LDLRAD4: variants seen among roughly 807,000 people sequenced by gnomAD.
LDLRAD4 encodes low-density lipoprotein receptor class A domain-containing protein 4.
Under a neutral mutation model 17.0 loss-of-function variants are expected in LDLRAD4, and 5 were observed. The observed-to-expected ratio is 0.29, with a 90% confidence interval of 0.15 to 0.62. LDLRAD4 has a LOEUF of 0.62. Ranked by LOEUF, LDLRAD4 falls within the 20% of genes least tolerant of loss-of-function variation. The pLI is 0.84. For synonymous variants in LDLRAD4, 168 were observed against 171.8 expected (o/e 0.98, Z 0.17); for missense variants, 340 against 424.7 (o/e 0.80, Z 1.75).
chr18:13,632,967 A>T (rs1351733121), intron 4 of LDLRAD4, among the ~76,000 whole-genome samples: 1 of 152,084 alleles, frequency 6.6e-6, no homozygotes, highest in Non-Finnish European at 1.5e-5. Flanking sequence ...GTCAATGGGT[A>T]GCTCCTTTCT....
At chr18:13,578,972 C>T (rs144470051) in intron 3 of LDLRAD4, among the ~76,000 whole-genome samples, 31 of 151,504 alleles carry the variant, frequency 2.0e-4, no homozygotes, top group African/African-American at 7.3e-4. Context: ...GGGCAGATCA[C>T]GAGGTCAGGA....
intron 1 of LDLRAD4, among the ~76,000 whole-genome samples, chr18:13,328,251 C>T (rs1168041142): frequency 6.6e-6 from 1 of 152,244 alleles, no homozygotes; most frequent in Non-Finnish European, 1.5e-5. Flanking sequence ...TGGCTAAAAA[C>T]TCCATCCTTG....
intron 1 of LDLRAD4, among the ~76,000 whole-genome samples, chr18:13,311,456 C>T (rs1188657032): frequency 6.6e-6 from 1 of 152,222 alleles, no homozygotes; most frequent in Non-Finnish European, 1.5e-5. Context: ...GCTAAGGAGT[C>T]GCTTTCCAGC....
intron 4 of LDLRAD4, among the ~76,000 whole-genome samples, chr18:13,626,716 C>T (rs1007507998): frequency 6.6e-6 from 1 of 152,240 alleles, no homozygotes; most frequent in Non-Finnish European, 1.5e-5. Context: ...AGCAGCCAGG[C>T]CCCACCCAGC....
intron 3 of LDLRAD4, among the ~76,000 whole-genome samples, chr18:13,441,318 A>G (rs1436849739): frequency 5.3e-5 from 8 of 152,182 alleles, no homozygotes; most frequent in Non-Finnish European, 2.9e-5. Context: ...GCAGGCAGAC[A>G]GCCTGCCTTT....
intron 3 of LDLRAD4, among the ~76,000 whole-genome samples, chr18:13,463,153 C>T (rs555145480): frequency 6.6e-6 from 1 of 152,198 alleles, no homozygotes; most frequent in Admixed American, 6.5e-5. Flanking sequence ...TGTGTGTGCA[C>T]CTAGGGAATG....
At chr18:13,370,020 A>G (rs144172291) in intron 1 of LDLRAD4, among the ~76,000 whole-genome samples, 175 of 152,348 alleles carry the variant, frequency 1.1e-3, no homozygotes, top group African/African-American at 3.5e-3. Flanking sequence ...TTAGCATGGA[A>G]TAGTCAATGC....
At chr18:13,265,761 ATCT>A (rs1190082896) in intron 1 of LDLRAD4, among the ~76,000 whole-genome samples, 1 of 151,902 alleles carries the variant, frequency 6.6e-6, no homozygotes. Context: ...TGGTGCTGAG[ATCT>A]TCTTCAAGGT....
chr18:13,525,735 A>G (rs1264487382), intron 3 of LDLRAD4, among the ~76,000 whole-genome samples: 2 of 152,236 alleles, frequency 1.3e-5, no homozygotes, highest in African/African-American at 4.8e-5. Context: ...CCTGGGTCCC[A>G]GGGAGAGTGG....
intron 3 of LDLRAD4, chr18:13,616,055 T>G (rs2040034530): frequency 6.6e-6 from 1 of 152,240 alleles, no homozygotes; most frequent in African/African-American, 2.4e-5. Flanking sequence ...ATTCATTTTC[T>G]TCTTAGCCTC....
chr18:13,369,926 C>T (rs577205149), intron 1 of LDLRAD4, among the ~76,000 whole-genome samples: 1 of 152,226 alleles, frequency 6.6e-6, no homozygotes, highest in Admixed American at 6.5e-5. Flanking sequence ...CCTGACCACG[C>T]CTGCCACCCA....
intron 1 of LDLRAD4, among the ~76,000 whole-genome samples, chr18:13,309,148 T>C (rs1310248681): frequency 2.0e-5 from 3 of 152,208 alleles, no homozygotes; most frequent in Non-Finnish European, 4.4e-5. Flanking sequence ...GTTAGAGGCT[T>C]GTCCTTGGTG....
intron 3 of LDLRAD4, among the ~76,000 whole-genome samples, chr18:13,498,987 T>TA (rs1347789728): frequency 6.7e-5 from 6 of 90,154 alleles, no homozygotes; most frequent in South Asian, 3.7e-4. Context: ...AGAATCCATC[T>TA]CCACACACGT....
rs118019807 is a variant in LDLRAD4 at position 13,457,437 on chromosome 18, C to T, written c.181+19053C>T. Among the ~76,000 whole-genome samples, 1,044 of 152,258 alleles carry T rather than the reference C, an allele frequency of 6.9e-3. 5 individuals carry two copies. The highest frequency in any genetic ancestry group is 0.031 in the Middle Eastern group (9 of 294). ...CCCTGTCCTCTTGGATTTTTATGGG[C>T]GCTTCTTGATGTCAGCTTTCTTCCC... On this transcript the variant is annotated intron_variant, in intron 3 of 5. Coordinates refer to ENST00000359446, the Ensembl canonical transcript of LDLRAD4.
chr18:13,230,054 C>T (rs1419036543), intron 1 of LDLRAD4, among the ~76,000 whole-genome samples: 1 of 152,162 alleles, frequency 6.6e-6, no homozygotes, highest in African/African-American at 2.4e-5. Flanking sequence ...AGCGATGGGG[C>T]TTCTAGGAGG....
At chr18:13,278,420 G>C (rs925530509) in intron 1 of LDLRAD4, 3 of 152,270 alleles carry the variant, frequency 2.0e-5, no homozygotes, top group Non-Finnish European at 4.4e-5. Context: ...CAGCCCTGGT[G>C]GGGGACAGTC....
intron 3 of LDLRAD4, among the ~76,000 whole-genome samples, chr18:13,541,810 T>G (rs1232230581): frequency 6.6e-6 from 1 of 152,196 alleles, no homozygotes; most frequent in African/African-American, 2.4e-5. Flanking sequence ...CCCAGCACTT[T>G]GGGAGACCAA....
intron 3 of LDLRAD4, among the ~76,000 whole-genome samples, chr18:13,460,561 G>A (rs1352908950): frequency 2.0e-5 from 3 of 152,188 alleles, no homozygotes; most frequent in African/African-American, 7.2e-5. Flanking sequence ...TGTCTGTTTT[G>A]TATTTTCTAA....
intron 1 of LDLRAD4, among the ~76,000 whole-genome samples, chr18:13,373,687 G>GA (rs2084687565): frequency 6.6e-6 from 1 of 152,188 alleles, no homozygotes; most frequent in Non-Finnish European, 1.5e-5. Flanking sequence ...AAAATGGATA[G>GA]AAAATCAGTA....
Sources: gnomAD v4.1 joint callset for allele counts (sites outside exome capture counted in the v4.1 genomes callset) on GRCh38, gnomAD v4.1.1 for gene constraint, MANE v1.5 for transcripts, NCBI Gene and HGNC (gene_info 2026-07-23, HGNC 2026-07-21) for gene names.